LAMA2: variants seen among roughly 807,000 people sequenced by gnomAD.
LAMA2 encodes laminin subunit alpha 2.
Under a neutral mutation model 364.8 loss-of-function variants are expected in LAMA2, and 269 were observed. That is an observed-to-expected ratio of 0.74 (90% CI 0.67 to 0.82). The LOEUF (loss-of-function observed/expected upper bound fraction) is 0.82. LAMA2 is among the 40% of genes least tolerant of loss of function. The probability of loss-of-function intolerance (pLI) is 0.00; values close to 1 mark genes in which losing one functional copy is unlikely to be tolerated. For missense variants in LAMA2, 3,807 were observed against 3,873.2 expected, an observed-to-expected ratio of 0.98 and a Z score of 0.45; for synonymous variants, 1,379 against 1,370.6, an observed-to-expected ratio of 1.01 and a Z score of -0.14.
chr6:129,488,106 G>A (rs565334693), intron 56 of LAMA2, among the ~76,000 whole-genome samples: 2 of 152,226 alleles, frequency 1.3e-5, no homozygotes, highest in South Asian at 2.1e-4. Context: ...TCAGGAGTTC[G>A]AGACCAGCCT....
intron 56 of LAMA2, among the ~76,000 whole-genome samples, chr6:129,491,440 G>T (rs2784907): frequency 0.35 from 53,973 of 152,060 alleles, 10,578 homozygotes; most frequent in African/African-American, 0.53. Context: ...CTTTATAAAA[G>T]GTGCTTTAAG....
chr6:129,389,674 T>C (rs1381432316), intron 35 of LAMA2, among the ~76,000 whole-genome samples: 4 of 152,062 alleles, frequency 2.6e-5, no homozygotes, highest in African/African-American at 7.3e-5. Flanking sequence ...CCTCAGGAAA[T>C]TTACGATCAT....
chr6:129,084,491 A>C (rs1774256862), intron 3 of LAMA2, among the ~76,000 whole-genome samples: 1 of 152,112 alleles, frequency 6.6e-6, no homozygotes. Context: ...TTGTATTCTA[A>C]TTTTGAAGTT....
In LAMA2 at chr6:129,287,858, G is replaced by A. The variant is rs34487290; in HGVS notation, c.2549G>A (p.Gly850Asp). Residue 850 changes from glycine to aspartate, a missense_variant, in exon 19 of 65, where the codon GGC (glycine) becomes GAC (aspartate). Gly to Asp is a moderately conservative substitution (Grantham distance 94). Around this residue, in one of 3 missense-constraint regions of LAMA2, gnomAD observed 3,333 missense variants for 3,345.7 expected, o/e 1.00. Transcript: ENST00000421865. ...ATTTCTTGCCTTAGGTGTGCAGAAG[G>A]CTATTTTGGACAACCCTCTGTACCT... is the stretch of plus-strand genomic sequence containing the variant. Reference protein sequence around the residue: ...TGPRCERCAEGYFGQPSVPGG... With the variant: ...TGPRCERCAEDYFGQPSVPGG... The A allele has an allele frequency of 1.4e-5, 22 of 1,613,818 alleles. No individual in the cohort carries two copies. The African/African-American group carries it at 1.7e-4, about 13-fold the overall frequency.
intron 3 of LAMA2, among the ~76,000 whole-genome samples, chr6:129,060,109 C>A (rs143041659): frequency 3.7e-4 from 56 of 152,214 alleles, no homozygotes; most frequent in African/African-American, 1.3e-3. Context: ...AATGGAAGCA[C>A]GTGAAGAGCT....
intron 14 of LAMA2, among the ~76,000 whole-genome samples, chr6:129,256,869 T>C (rs1786729252): frequency 6.7e-6 from 1 of 149,106 alleles, no homozygotes; most frequent in Non-Finnish European, 1.5e-5. Context: ...TGTTTTGTGC[T>C]GGTTGTTTTA....
At chr6:129,382,925 C>A (rs1778775754) in intron 34 of LAMA2, among the ~76,000 whole-genome samples, 197 bp from the exon 35 acceptor site, 1 of 152,168 alleles carries the variant, frequency 6.6e-6, no homozygotes, top group Non-Finnish European at 1.5e-5. Context: ...TCTCTGATTT[C>A]CATTTAATGG....
At chr6:129,369,816 C>A in intron 33 of LAMA2, 76 bp from the exon 34 acceptor site, 1 of 1,273,236 alleles carries the variant, frequency 7.9e-7, no homozygotes, top group East Asian at 2.3e-5. Flanking sequence ...CTTTTATATA[C>A]AAAAATGTGT....
At chr6:128,952,595 T>C (rs1397297526) in intron 1 of LAMA2, among the ~76,000 whole-genome samples, 1 of 152,158 alleles carries the variant, frequency 6.6e-6, no homozygotes, top group Non-Finnish European at 1.5e-5. Flanking sequence ...TTTACAGGTG[T>C]TATATTTTAT....
intron 4 of LAMA2, among the ~76,000 whole-genome samples, chr6:129,126,600 TTACAAA>T (rs1777128858): frequency 6.6e-6 from 1 of 152,076 alleles, no homozygotes; most frequent in Non-Finnish European, 1.5e-5. Flanking sequence ...TTTCAAACTT[TTACAAA>T]TACAAAGAAA....
At chr6:129,055,421 C>T (rs916217794) in intron 2 of LAMA2, among the ~76,000 whole-genome samples, 17 of 151,848 alleles carry the variant, frequency 1.1e-4, no homozygotes, top group East Asian at 7.7e-4. Context: ...CTTGAACTCT[C>T]GACTTCACAT....
chr6:129,066,038 GTTTTT>G (rs544271722), intron 3 of LAMA2, among the ~76,000 whole-genome samples: 19 of 37,118 alleles, frequency 5.1e-4, no homozygotes, highest in African/African-American at 1.2e-3. Flanking sequence ...CCAGTCTCAG[GTTTTT>G]TTTTTTTTTT....
intron 12 of LAMA2, among the ~76,000 whole-genome samples, chr6:129,249,360 G>A (rs1389448382): frequency 6.6e-6 from 1 of 152,124 alleles, no homozygotes; most frequent in African/African-American, 2.4e-5. Context: ...TTTGATTCCT[G>A]TCCTATAAAT....
At chr6:128,996,687 A>G (rs1186248487) in intron 1 of LAMA2, among the ~76,000 whole-genome samples, 1 of 152,242 alleles carries the variant, frequency 6.6e-6, no homozygotes, top group African/African-American at 2.4e-5. Context: ...GTGAATGTAA[A>G]TTAGTTCAGA....
chr6:129,225,284 T>A (rs527684079), intron 12 of LAMA2, among the ~76,000 whole-genome samples: 2 of 152,260 alleles, frequency 1.3e-5, no homozygotes, highest in East Asian at 3.9e-4. Context: ...CAAAAAATCA[T>A]CTCCTGGATT....
chr6:129,441,066 G>A (rs764599442), intron 43 of LAMA2, 68 bp downstream of exon 43: 1 of 1,368,012 alleles, frequency 7.3e-7, no homozygotes, highest in Non-Finnish European at 1.0e-6. Context: ...TCCCAGACCT[G>A]TAAATGCTCG....
chr6:129,260,680 T>C (rs745488528), intron 14 of LAMA2, 31 bp from the exon 15 acceptor site: 1 of 1,322,850 alleles, frequency 7.6e-7, no homozygotes, highest in Non-Finnish European at 1.1e-6. Context: ...GAACTTTACT[T>C]ATTCACCATC....
Position 129,004,829 on chromosome 6 carries a change from A to G in LAMA2, c.113-45089A>G, listed in dbSNP as rs550530547. Among the ~76,000 whole-genome samples, 4 of 152,252 alleles carry G rather than the reference A, an allele frequency of 2.6e-5. No individual in the cohort carries two copies. The South Asian group carries it at 6.2e-4, about 24-fold the overall frequency. On this transcript the variant is annotated intron_variant, in intron 1 of 64. Coordinates refer to ENST00000421865, the MANE Select transcript of LAMA2 (RefSeq NM_000426.4). The stretch of plus-strand genomic sequence containing the variant: ...AATTAATATATCCTTGATTCTTCAT[A>G]ATATTCTATTAACCAGCACTTAACA...
At chr6:129,443,412 A>G (rs556655415) in intron 44 of LAMA2, among the ~76,000 whole-genome samples, 2 of 152,316 alleles carry the variant, frequency 1.3e-5, no homozygotes, top group South Asian at 4.1e-4. Flanking sequence ...GCAAGACTCT[A>G]TCTCTACAAA....
Sources: allele counts gnomAD v4.1 joint callset (sites outside exome capture counted in the v4.1 genomes callset), GRCh38; gene constraint gnomAD v4.1.1; regional missense constraint gnomAD v4.1.1; transcripts MANE v1.5; gene names NCBI Gene and HGNC (gene_info 2026-07-23, HGNC 2026-07-21).